Variants in LSG1 observed in about 807,000 individuals in gnomAD.
LSG1 encodes large 60S subunit nuclear export GTPase 1.
A neutral mutation model predicts 82.6 loss-of-function variants in LSG1; 55 were observed. That is an observed-to-expected ratio of 0.67 (90% CI 0.54 to 0.83). The LOEUF (loss-of-function observed/expected upper bound fraction) is 0.83. Ranked by LOEUF, LSG1 falls within the 40% of genes least tolerant of loss-of-function variation. LSG1 has a pLI of 0.00. For missense variants in LSG1, 809 were observed against 807.9 expected (o/e 1.00, Z -0.02); for synonymous variants, 272 against 282.5 (o/e 0.96, Z 0.37).
At chr3:194,657,011 GA>G (rs1393851290) in intron 7 of LSG1, among the ~76,000 whole-genome samples, 3 of 151,978 alleles carry the variant, frequency 2.0e-5, no homozygotes, top group Admixed American at 2.0e-4. Context: ...GGTCGGGGGA[GA>G]GGGGAGGGAT....
At chr3:194,665,311 A>G (rs552839278) in intron 5 of LSG1, among the ~76,000 whole-genome samples, 1 of 152,356 alleles carries the variant, frequency 6.6e-6, no homozygotes, top group Non-Finnish European at 1.5e-5. Context: ...AAATATCTAT[A>G]TAGGTGCTTC....
At chr3:194,661,383 A>T (rs1675946) in intron 5 of LSG1, among the ~76,000 whole-genome samples, 1 of 152,060 alleles carries the variant, frequency 6.6e-6, no homozygotes, top group Non-Finnish European at 1.5e-5. Context: ...GTTTACATAC[A>T]GAACATGTAG....
Position 194,659,277 on chromosome 3 carries a change from T to C in LSG1, c.583-144A>G, listed in dbSNP as rs538778674. 8.1e-6 allele frequency: 5 copies of C among 614,100 alleles called. No homozygotes were observed. In the South Asian group the frequency reaches 9.3e-5, roughly 11 times the overall value. 38.0% of individuals were successfully genotyped at this position (614,100 alleles called of 1,614,324 possible). On this transcript the variant is annotated intron_variant, in intron 6 of 13. Transcript: ENST00000265245. The stretch of plus-strand genomic sequence containing the variant: ...TTAAACATTTTTAATCATGACACAT[T>C]ATACTAATCCTTTCAGTAAGCTTTG...
At chr3:194,643,078 G>A (rs1404737190) in intron 13 of LSG1, among the ~76,000 whole-genome samples, 4 of 152,136 alleles carry the variant, frequency 2.6e-5, no homozygotes. Context: ...CCTAACCCCT[G>A]TCCTATTTTC....
intron 11 of LSG1, among the ~76,000 whole-genome samples, chr3:194,647,489 T>C (rs1407625967): frequency 6.6e-6 from 1 of 152,224 alleles, no homozygotes; most frequent in Admixed American, 6.5e-5. Flanking sequence ...AATCTGGCAA[T>C]ATCTTTGAAA....
Position 194,665,640 on chromosome 3 carries a change from T to C in LSG1, c.438A>G (p.Leu146=). 3 of 1,604,322 alleles carry C rather than the reference T, an allele frequency of 1.9e-6. No individual in the cohort carries two copies. Among genetic ancestry groups the C allele is most frequent in the Non-Finnish European group, 2.6e-6 (3 of 1,174,326 alleles). The change falls in exon 5 of 14, where the codon CTA becomes CTG. Residue 146 remains leucine, a synonymous_variant. Transcript: ENST00000265245. ...TCAATATCAGCTTCTGTTCCTCTTC[T>C]AGCCTAGTTTTTGAATGAGAAGTTT... ...FLEWRRQLVR[L]EEEQKLILTP... is the part of the protein sequence containing the mutation.
At chr3:194,666,967 A>T (rs1318649252) in intron 2 of LSG1, among the ~76,000 whole-genome samples, 1 of 152,192 alleles carries the variant, frequency 6.6e-6, no homozygotes, top group African/African-American at 2.4e-5. Flanking sequence ...AGGAATCTGT[A>T]TGAAAGAGTT....
chr3:194,652,971 G>C lies in LSG1; in HGVS notation c.931C>G (p.Pro311Ala). ...DEDDSEYEDC[P>A]EEEEDDWQTC... ...TGCCAGTCGTCTTCCTCCTCCTCTG[G>C]ACAGTCCTCATACTCACTGTCATCT... The change falls in exon 8 of 14, where the codon CCA becomes GCA. Residue 311 changes from proline to alanine, a missense_variant. Coordinates refer to ENST00000265245, the MANE Select transcript of LSG1 (RefSeq NM_018385.3). The C allele has an allele frequency of 6.2e-7, 1 of 1,614,076 alleles. No individual in the cohort carries two copies.
At chr3:194,647,452 TAAAG>T (rs1718577373) in intron 11 of LSG1, among the ~76,000 whole-genome samples, 1 of 152,194 alleles carries the variant, frequency 6.6e-6, no homozygotes, top group South Asian at 2.1e-4. Context: ...CACTAGTATT[TAAAG>T]AAATACAAAG....
chr3:194,670,482 A>C (rs1404114695), intron 1 of LSG1, among the ~76,000 whole-genome samples: 1 of 152,236 alleles, frequency 6.6e-6, no homozygotes, highest in African/African-American at 2.4e-5. Context: ...TGTGCTAGTC[A>C]AAATTAGTCA....
intron 12 of LSG1, 75 bp from the exon 13 acceptor site, chr3:194,644,821 G>A (rs754336534): frequency 5.0e-5 from 61 of 1,221,662 alleles, no homozygotes; most frequent in Non-Finnish European, 6.0e-5. Context: ...GCTCCACCCA[G>A]TCACACTCTG....
chr3:194,665,932 G>A (rs1449993504), intron 4 of LSG1, among the ~76,000 whole-genome samples: 1 of 152,156 alleles, frequency 6.6e-6, no homozygotes, highest in East Asian at 1.9e-4. Context: ...GGAGAGCAGC[G>A]ATCAACTCCA....
rs1305866802 is a variant in LSG1 at position 194,658,975 on chromosome 3, G to A, written c.741C>T (p.Pro247=). 1 of 1,613,776 alleles carries A rather than the reference G, an allele frequency of 6.2e-7. No individual in the cohort carries two copies. The highest frequency in any genetic ancestry group is 1.7e-5 in the Admixed American group (1 of 59,980). The change falls in exon 7 of 14, where the codon CCC becomes CCT. Residue 247 remains proline, a synonymous_variant. Transcript: ENST00000265245. ...IFWSALAGAI[P]LNGDSEEEAN... is the part of the protein sequence containing the mutation. ...AGGTTACCTCAGAGTCACCATTCAG[G>A]GGAATGGCTCCGGCCAAAGCTGACC...
intron 2 of LSG1, among the ~76,000 whole-genome samples, chr3:194,669,504 G>A (rs767496186): frequency 1.3e-5 from 2 of 151,982 alleles, no homozygotes; most frequent in Admixed American, 6.6e-5. Context: ...ATCACATCCC[G>A]CCCCCTGCAC....
chr3:194,642,059 AG>A lies in LSG1; in HGVS notation c.*8del. 2 of 1,611,260 alleles carry A rather than the reference AG, an allele frequency of 1.2e-6. No homozygotes were observed. Among genetic ancestry groups the A allele is most frequent in the South Asian group, 2.2e-5 (2 of 90,926 alleles). On this transcript the variant is annotated 3_prime_UTR_variant, in exon 14 of 14. Coordinates refer to ENST00000265245, the MANE Select transcript of LSG1 (RefSeq NM_018385.3). ...ACAATGCAGATGACATTTCTGTTGC[AG>A]CCCAACCTCACATATCCAGGTGCTT...
intron 2 of LSG1, among the ~76,000 whole-genome samples, chr3:194,669,359 C>A (rs1184006188): frequency 6.6e-6 from 1 of 151,958 alleles, no homozygotes; most frequent in East Asian, 1.9e-4. Flanking sequence ...AAGCTGGAAC[C>A]CACACATCCC....
rs1005562058 is a variant in LSG1, at chr3:194,670,440, C to T, written c.100-305G>A. Among the ~76,000 whole-genome samples the T allele has an allele frequency of 8.5e-5, 13 of 152,256 alleles. No homozygotes were observed. In the South Asian group the frequency reaches 2.3e-3, roughly 27 times the overall value. ...TTGCCTATAGTCAAAATCTAAATGG[C>T]ACAGGTAGAACTTGAACCCAGATTG... On this transcript the variant is annotated intron_variant, in intron 1 of 13. Transcript: ENST00000265245.
intron 7 of LSG1, among the ~76,000 whole-genome samples, chr3:194,653,515 C>CAAA (rs35726683): frequency 1.8e-5 from 2 of 113,160 alleles, no homozygotes; most frequent in East Asian, 2.3e-4. Flanking sequence ...CTCTGTCTCA[C>CAAA]AAAAAAAAAA....
At chr3:194,671,780 T>C in intron 1 of LSG1, 1 of 479,982 alleles carries the variant, frequency 2.1e-6, no homozygotes, top group East Asian at 4.1e-5. Context: ...CAGTGGCTTC[T>C]AGGGCAAAAC....
Sources: gnomAD v4.1 joint callset for allele counts (sites outside exome capture counted in the v4.1 genomes callset) on GRCh38, gnomAD v4.1.1 for gene constraint, MANE v1.5 for transcripts, NCBI Gene and HGNC (gene_info 2026-07-23, HGNC 2026-07-21) for gene names.